PRKCE: variants seen among roughly 807,000 people sequenced by gnomAD.
PRKCE encodes the protein protein kinase C epsilon.
In PRKCE, 16 loss-of-function variants were observed where a neutral mutation model predicts 85.4. That is an observed-to-expected ratio of 0.19 (90% CI 0.13 to 0.28). The LOEUF (loss-of-function observed/expected upper bound fraction) is 0.28, where lower values mean the gene tolerates loss of function less well. Among genes scored for constraint, PRKCE ranks in the 10% least tolerant of loss-of-function variants. PRKCE has a pLI of 1.00. For missense variants in PRKCE, 573 were observed against 975.2 expected, an observed-to-expected ratio of 0.59 and a Z score of 5.49; for synonymous variants, 388 against 371.5, an observed-to-expected ratio of 1.04 and a Z score of -0.51.
At chr2:45,824,391 C>T (rs1689777343) in intron 1 of PRKCE, among the ~76,000 whole-genome samples, 1 of 152,096 alleles carries the variant, frequency 6.6e-6, no homozygotes, top group Admixed American at 6.5e-5. Context: ...CTGCTATATC[C>T]ACACAGGAGG....
At chr2:45,887,083 A>T (rs758757330) in intron 2 of PRKCE, among the ~76,000 whole-genome samples, 4 of 152,196 alleles carry the variant, frequency 2.6e-5, no homozygotes, top group Non-Finnish European at 5.9e-5. Context: ...GGGTTTTTAC[A>T]TGGTGTCTAT....
At chr2:45,834,899 A>G (rs895863849) in intron 1 of PRKCE, among the ~76,000 whole-genome samples, 3 of 152,228 alleles carry the variant, frequency 2.0e-5, no homozygotes, top group African/African-American at 7.2e-5. Flanking sequence ...TATATGAGGA[A>G]GTTCAGATCC....
At chr2:45,829,114 T>G (rs1269174674) in intron 1 of PRKCE, among the ~76,000 whole-genome samples, 2 of 152,190 alleles carry the variant, frequency 1.3e-5, no homozygotes, top group Non-Finnish European at 2.9e-5. Flanking sequence ...ACAATTGGTT[T>G]CTAATATTAC....
At chr2:45,681,430 T>G (rs1271381309) in intron 1 of PRKCE, among the ~76,000 whole-genome samples, 1 of 151,816 alleles carries the variant, frequency 6.6e-6, no homozygotes, top group African/African-American at 2.4e-5. Flanking sequence ...AAAATCACCA[T>G]TTGGAAAATG....
chr2:46,030,423 G>A (rs552339864), intron 10 of PRKCE, among the ~76,000 whole-genome samples: 1 of 152,302 alleles, frequency 6.6e-6, no homozygotes, highest in African/African-American at 2.4e-5. Flanking sequence ...AAGTAGTGGG[G>A]CGGTCCCAAA....
chr2:45,839,620 G>GT (rs1360971538), intron 1 of PRKCE, among the ~76,000 whole-genome samples: 2 of 152,242 alleles, frequency 1.3e-5, no homozygotes, highest in African/African-American at 4.8e-5. Context: ...AGCTTGCAGG[G>GT]TTGTGCAGGG....
At chr2:45,819,683 A>G (rs1558709412) in intron 1 of PRKCE, among the ~76,000 whole-genome samples, 1 of 152,200 alleles carries the variant, frequency 6.6e-6, no homozygotes, top group Non-Finnish European at 1.5e-5. Flanking sequence ...CCTGGATGAC[A>G]CTGTATAGCA....
At chr2:45,822,539 C>T (rs558161077) in intron 1 of PRKCE, among the ~76,000 whole-genome samples, 27 of 152,356 alleles carry the variant, frequency 1.8e-4, no homozygotes, top group Non-Finnish European at 3.8e-4. Context: ...CAAGTCTGCA[C>T]AGTCACTCTC....
In PRKCE at chr2:45,884,993, A is replaced by ATTTT. The variant is rs1294443991; in HGVS notation, c.412+41931_412+41932insTTTT. The stretch of plus-strand genomic sequence containing the variant: ...TATATATATATATATATATATATAT[A>ATTTT]TATATATATTTGTTGTTGTTGTTGT... On this transcript the variant is annotated intron_variant, in intron 2 of 14. Transcript: ENST00000306156. Among the ~76,000 whole-genome samples the ATTTT allele has an allele frequency of 1.6e-4, 11 of 68,588 alleles. No individual in the cohort carries two copies. In the East Asian group the frequency reaches 2.7e-3, roughly 17 times the overall value. The allele number at this position is 68,588 out of a possible 152,430, so 45.0% of individuals were successfully genotyped here. A position where few individuals can be genotyped will look rare whatever the true frequency, so the allele number is the denominator to read the frequency against.
intron 1 of PRKCE, among the ~76,000 whole-genome samples, chr2:45,667,633 G>A (rs976241946): frequency 6.7e-6 from 1 of 150,008 alleles, no homozygotes; most frequent in African/African-American, 2.5e-5. Flanking sequence ...ACATGAGGAG[G>A]ATTTTTATCT....
intron 1 of PRKCE, among the ~76,000 whole-genome samples, chr2:45,821,646 G>T (rs898117055): frequency 6.6e-6 from 1 of 152,172 alleles, no homozygotes; most frequent in Non-Finnish European, 1.5e-5. Flanking sequence ...GGGGACTTGG[G>T]CAGGATGGTG....
At chr2:46,121,278 A>T (rs1343557625) in intron 11 of PRKCE, among the ~76,000 whole-genome samples, 1 of 152,178 alleles carries the variant, frequency 6.6e-6, no homozygotes, top group Non-Finnish European at 1.5e-5. Context: ...GACAATTTTC[A>T]TTTCCACCTT....
Position 46,184,537 on chromosome 2 carries a change from C to T in PRKCE, c.2068-198C>T, listed in dbSNP as rs1234673066. Among the ~76,000 whole-genome samples the T allele has an allele frequency of 3.3e-5, 5 of 152,184 alleles. No individual in the cohort carries two copies. The highest frequency in any genetic ancestry group is 7.3e-5 in the Non-Finnish European group (5 of 68,042). On this transcript the variant is annotated intron_variant, in intron 14 of 14. Transcript: ENST00000306156. This position sits in a 1 kb window ranked among gnomAD's most constrained non-coding sequence, Gnocchi z 5.0. ...TTCTTCCTTCTCACCTTGACTCATT[C>T]TTCCTCTCCTCGTCTCTCACCTCCG...
intron 2 of PRKCE, among the ~76,000 whole-genome samples, chr2:45,956,592 G>A (rs111256981): frequency 3.9e-5 from 6 of 152,152 alleles, no homozygotes; most frequent in African/African-American, 1.4e-4. Context: ...AGCTAAGACA[G>A]GAGAATTGCT....
At chr2:46,136,355 T>C (rs1675000051) in intron 11 of PRKCE, among the ~76,000 whole-genome samples, 1 of 152,232 alleles carries the variant, frequency 6.6e-6, no homozygotes, top group African/African-American at 2.4e-5. Context: ...CTAGATGCTG[T>C]ATGGTTTACA....
In PRKCE at chr2:46,185,797, G is replaced by A. The variant is rs1680407849; in HGVS notation, c.*916G>A. On this transcript the variant is annotated 3_prime_UTR_variant, in exon 15 of 15. Coordinates refer to ENST00000306156, the MANE Select transcript of PRKCE (RefSeq NM_005400.3). This position sits in a 1 kb window ranked among gnomAD's most constrained non-coding sequence, Gnocchi z 4.7. ...AAGTTCTACCTGGACACAAAGGCGA[G>A]GACCCTGGGGTTCCAACAAAGCTCA... is the stretch of plus-strand genomic sequence containing the variant. The A allele has an allele frequency of 6.6e-6, 1 of 152,148 alleles. No individual in the cohort carries two copies. The highest frequency in any genetic ancestry group is 1.5e-5 in the Non-Finnish European group (1 of 68,030). 9.4% of individuals were successfully genotyped at this position (152,148 alleles called of 1,614,324 possible). A position where few individuals can be genotyped will look rare whatever the true frequency, so the allele number is the denominator to read the frequency against.
chr2:46,010,239 T>A (rs1705549603), intron 9 of PRKCE, 105 bp from the exon 10 acceptor site: 2 of 1,283,104 alleles, frequency 1.6e-6, no homozygotes, highest in Admixed American at 4.8e-5. Context: ...TATTTAAAAT[T>A]AAAGAAAAAA....
At chr2:45,720,218 C>A (rs898890120) in intron 1 of PRKCE, among the ~76,000 whole-genome samples, 1 of 152,148 alleles carries the variant, frequency 6.6e-6, no homozygotes, top group African/African-American at 2.4e-5. Flanking sequence ...AAGCTGGGAG[C>A]AGCCACTGTC....
intron 2 of PRKCE, among the ~76,000 whole-genome samples, chr2:45,881,327 G>A (rs1294376661): frequency 6.6e-6 from 1 of 152,090 alleles, no homozygotes; most frequent in Admixed American, 6.5e-5. Context: ...TCTACAGGCT[G>A]GAAAACAAAG....
Sources: allele counts gnomAD v4.1 joint callset (sites outside exome capture counted in the v4.1 genomes callset), GRCh38; gene constraint gnomAD v4.1.1; non-coding constraint Gnocchi (gnomAD v3.1); transcripts MANE v1.5; gene names NCBI Gene and HGNC (gene_info 2026-07-23, HGNC 2026-07-21).